Variants in SGMS1 observed in about 807,000 individuals in gnomAD.
SGMS1 encodes phosphatidylcholine:ceramide cholinephosphotransferase 1.
SGMS1 carries 13 observed loss-of-function variants against 46.2 expected under a neutral mutation model. That is an observed-to-expected ratio of 0.28 (90% CI 0.18 to 0.45). The LOEUF (loss-of-function observed/expected upper bound fraction) is 0.45, where lower values mean the gene tolerates loss of function less well. Among genes scored for constraint, SGMS1 ranks in the 20% least tolerant of loss-of-function variants. The pLI is 1.00. For missense variants in SGMS1, 324 were observed against 519.9 expected, an observed-to-expected ratio of 0.62 and a Z score of 3.66; for synonymous variants, 203 against 187.8, an observed-to-expected ratio of 1.08 and a Z score of -0.66.
intron 8 of SGMS1, among the ~76,000 whole-genome samples, chr10:50,317,807 T>C (rs1288973556): frequency 4.6e-5 from 7 of 150,542 alleles, no homozygotes; most frequent in Non-Finnish European, 8.9e-5. Flanking sequence ...TCTTTCTTTT[T>C]TTTTTTTTTT....
chr10:50,328,656 T>C (rs1847567905), intron 7 of SGMS1, among the ~76,000 whole-genome samples: 1 of 152,208 alleles, frequency 6.6e-6, no homozygotes, highest in African/African-American at 2.4e-5. Context: ...TTTACCTAGA[T>C]TTAAGAAACT....
At chr10:50,535,232 AAAC>A (rs56048855) in intron 2 of SGMS1, among the ~76,000 whole-genome samples, 9 of 151,360 alleles carry the variant, frequency 5.9e-5, no homozygotes, top group South Asian at 2.1e-4. Context: ...GTCCATCTCA[AAAC>A]AACAACAACA....
At chr10:50,475,343 C>G (rs529052663) in intron 3 of SGMS1, among the ~76,000 whole-genome samples, 2 of 152,292 alleles carry the variant, frequency 1.3e-5, no homozygotes, top group East Asian at 1.9e-4. Flanking sequence ...TTTAATTCAT[C>G]TCAGTTAATT....
chr10:50,505,580 C>T (rs755902015), intron 3 of SGMS1, among the ~76,000 whole-genome samples: 1 of 152,178 alleles, frequency 6.6e-6, no homozygotes, highest in South Asian at 2.1e-4. Context: ...TAACCAAAGG[C>T]AAACTCATGA....
chr10:50,515,127 A>C (rs552222724), intron 3 of SGMS1, among the ~76,000 whole-genome samples: 2 of 152,316 alleles, frequency 1.3e-5, no homozygotes. Context: ...AAATGTTACA[A>C]ATGGCCAAGT....
intron 8 of SGMS1, among the ~76,000 whole-genome samples, chr10:50,325,308 A>G (rs1847512977): frequency 1.3e-5 from 2 of 152,298 alleles, no homozygotes; most frequent in Middle Eastern, 3.4e-3. Context: ...TTCTTCCAAG[A>G]GTCTTATTCT....
chr10:50,594,033 C>T (rs1838567389), intron 1 of SGMS1, among the ~76,000 whole-genome samples: 1 of 152,126 alleles, frequency 6.6e-6, no homozygotes, highest in African/African-American at 2.4e-5. Context: ...AATTGTTTTC[C>T]AAAGTGGTTG....
intron 7 of SGMS1, chr10:50,342,711 C>T (rs1347103909): frequency 2.6e-5 from 4 of 152,164 alleles, no homozygotes; most frequent in South Asian, 4.2e-4. Flanking sequence ...AACCATAAGG[C>T]GTTCCTTTAA....
At chr10:50,386,574 G>C (rs755258667) in intron 6 of SGMS1, among the ~76,000 whole-genome samples, 1 of 152,160 alleles carries the variant, frequency 6.6e-6, no homozygotes, top group Non-Finnish European at 1.5e-5. Flanking sequence ...GTAGTTCTCT[G>C]AACAAACCAA....
intron 1 of SGMS1, among the ~76,000 whole-genome samples, chr10:50,593,909 T>C (rs1353832408): frequency 6.6e-6 from 1 of 152,220 alleles, no homozygotes; most frequent in Non-Finnish European, 1.5e-5. Flanking sequence ...AATGCTGCCA[T>C]TTACATTCTA....
At position 50,509,342 on chromosome 10, in the gene SGMS1, A is replaced by G. The variant is rs540299691; in HGVS notation, c.-498+10489T>C. 2.4e-4 allele frequency among the ~76,000 whole-genome samples: 36 copies of G among 152,322 alleles called. No homozygotes were observed. The South Asian group carries it at 7.5e-3, about 32-fold the overall frequency. ...GAACCCTCCAATTCTTGCTGTAAAC[A>G]TTTGTGAATTGTATTTTAGAGAGTG... On this transcript the variant is annotated intron_variant, in intron 3 of 10. Coordinates refer to ENST00000361781, the MANE Select transcript of SGMS1 (RefSeq NM_147156.4).
chr10:50,433,997 G>A (rs1849440657), intron 5 of SGMS1, among the ~76,000 whole-genome samples: 1 of 152,170 alleles, frequency 6.6e-6, no homozygotes, highest in Non-Finnish European at 1.5e-5. Context: ...AGGCAACAAA[G>A]GCCTCCCTCC....
intron 6 of SGMS1, among the ~76,000 whole-genome samples, chr10:50,407,567 G>C (rs1048233278): frequency 2.6e-5 from 4 of 152,062 alleles, no homozygotes; most frequent in African/African-American, 9.7e-5. Flanking sequence ...ACCTGGGGTT[G>C]GTAATGACTT....
chr10:50,520,295 T>G (rs1481679773), intron 2 of SGMS1, among the ~76,000 whole-genome samples: 1 of 151,936 alleles, frequency 6.6e-6, no homozygotes, highest in Non-Finnish European at 1.5e-5. Flanking sequence ...TAGGCTCAGG[T>G]AAAAGGATCA....
At chr10:50,493,959 G>A (rs531676827) in intron 3 of SGMS1, among the ~76,000 whole-genome samples, 62 of 152,228 alleles carry the variant, frequency 4.1e-4, no homozygotes, top group African/African-American at 4.6e-4. Flanking sequence ...CACCACGCCC[G>A]GCTAATTTTT....
chr10:50,310,330 T>C (rs968338517), intron 9 of SGMS1, among the ~76,000 whole-genome samples: 2 of 152,196 alleles, frequency 1.3e-5, no homozygotes, highest in South Asian at 2.1e-4. Flanking sequence ...TATCAGACTG[T>C]TTCTAACAAT....
intron 6 of SGMS1, among the ~76,000 whole-genome samples, chr10:50,416,837 T>TAAAAAAAA (rs36028635): frequency 1.7e-5 from 2 of 117,260 alleles, no homozygotes; most frequent in Admixed American, 8.7e-5. Flanking sequence ...TTTATAGAAC[T>TAAAAAAAA]AAAAAAAAAA....
At chr10:50,488,030 T>C (rs1423888098) in intron 3 of SGMS1, among the ~76,000 whole-genome samples, 1 of 141,842 alleles carries the variant, frequency 7.1e-6, no homozygotes, top group Non-Finnish European at 1.6e-5. Context: ...TATTTATTTA[T>C]TGAGACTGAG....
At chr10:50,407,382 G>C (rs1160037688) in intron 6 of SGMS1, among the ~76,000 whole-genome samples, 1 of 152,134 alleles carries the variant, frequency 6.6e-6, no homozygotes, top group Non-Finnish European at 1.5e-5. Context: ...TTTCTGTATA[G>C]AAATTCTGTA....
Sources: gnomAD v4.1 joint callset for allele counts (sites outside exome capture counted in the v4.1 genomes callset) on GRCh38, gnomAD v4.1.1 for gene constraint, MANE v1.5 for transcripts, NCBI Gene and HGNC (gene_info 2026-07-23, HGNC 2026-07-21) for gene names.